Variants in ATP7B observed in about 807,000 individuals in gnomAD.
ATP7B encodes copper-transporting ATPase 2.
ATP7B carries 113 observed loss-of-function variants against 118.9 expected under a neutral mutation model. That is an observed-to-expected ratio of 0.95 (90% confidence interval 0.82 to 1.11). The LOEUF (loss-of-function observed/expected upper bound fraction) is 1.11, where lower values mean the gene tolerates loss of function less well. Ranked by LOEUF, ATP7B falls within the 50% of genes most tolerant of loss-of-function variation. The probability of loss-of-function intolerance (pLI) is 0.00; values close to 1 mark genes in which losing one functional copy is unlikely to be tolerated. For missense variants in ATP7B, 1,867 were observed against 1,871.4 expected, an observed-to-expected ratio of 1.00 and a Z score of 0.04; for synonymous variants, 777 against 727.4, an observed-to-expected ratio of 1.07 and a Z score of -1.10.
In ATP7B at chr13:51,958,345, A is replaced by G. The variant is rs1958491337; in HGVS notation, c.2321T>C (p.Ile774Thr). The G allele has an allele frequency of 6.2e-7, 1 of 1,614,108 alleles. No individual in the cohort carries two copies. Among genetic ancestry groups the G allele is most frequent in the South Asian group, 1.1e-5 (1 of 91,082 alleles). Residue 774 changes from isoleucine (I) to threonine (T), a missense_variant, in exon 8 of 21, where the codon ATT becomes ACT. By Grantham distance (89) the Ile-to-Thr change is moderately conservative. Transcript: ENST00000242839. Reference protein sequence around the residue: ...FDTPPMLFVFIALGRWLEHLA... With the variant: ...FDTPPMLFVFTALGRWLEHLA... ...GTGTTCCAGCCACCGGCCCAGGGCA[A>G]TGAACACAAAGAGCATGGGGGGCGT...
At chr13:51,959,959 G>C in intron 7 of ATP7B, 189 bp downstream of exon 7, 4 of 751,622 alleles carry the variant, frequency 5.3e-6, no homozygotes, top group Non-Finnish European at 8.6e-6. Context: ...CACACTGGGG[G>C]GGCCCCAAGC....
At chr13:51,951,145 C>T (rs1214336277) in intron 9 of ATP7B, among the ~76,000 whole-genome samples, 1 of 151,660 alleles carries the variant, frequency 6.6e-6, no homozygotes, top group Non-Finnish European at 1.5e-5. Context: ...GTTGCAGCAG[C>T]CCAAGCGGAA....
chr13:51,968,489 T>C lies in ATP7B; in HGVS notation c.1662A>G (p.Ala554=), dbSNP rs772213495. The C allele has an allele frequency of 2.5e-6, 4 of 1,614,198 alleles. No individual in the cohort carries two copies. The highest frequency in any genetic ancestry group is 3.4e-6 in the Non-Finnish European group (4 of 1,180,034). The change falls in exon 4 of 21, where the codon GCA becomes GCG. Residue 554 remains alanine, a synonymous_variant. Transcript: ENST00000242839. The part of the protein sequence containing the change: ...QFIQDLGFEA[A]VMEDYAGSDG... ...CGGAGCCTGCGTAGTCCTCCATGACTGCTGCCTCAAAACCCAGGTCCTGGA... is the reference window on the plus strand; with the variant it reads ...CGGAGCCTGCGTAGTCCTCCATGACCGCTGCCTCAAAACCCAGGTCCTGGA...
At position 51,935,647 on chromosome 13, in the gene ATP7B, G is replaced by A. The variant is rs769949264; in HGVS notation, c.4070C>T (p.Ala1357Val). ...GIVLQPWMGS[A>V]AMAASSVSVV... is the part of the protein sequence containing the mutation. ...AGACACAGAGGAGGCTGCCATGGCC[G>A]CTGAGCCCATCCAGGGCTGCAGCAC... Residue 1357 changes from alanine (A) to valine (V), a missense_variant, in exon 20 of 21, where the codon GCG becomes GTG. Physicochemically the swap from Ala to Val is moderately conservative, Grantham distance 64. Transcript: ENST00000242839. 3.3e-5 allele frequency: 54 copies of A among 1,613,608 alleles called. No homozygotes were observed. Among genetic ancestry groups the A allele is most frequent in the Non-Finnish European group, 4.2e-5 (49 of 1,179,904 alleles).
chr13:51,969,978 G>T (rs1327468084), intron 3 of ATP7B, among the ~76,000 whole-genome samples: 8 of 152,166 alleles, frequency 5.3e-5, no homozygotes, highest in Admixed American at 4.6e-4. Flanking sequence ...AAATGGATCC[G>T]AATTTTATTG....
In ATP7B at chr13:51,934,389, A is replaced by T; in HGVS notation, c.*367T>A. The T allele has an allele frequency of 2.9e-6, 1 of 346,948 alleles. No individual in the cohort carries two copies. 21.5% of individuals were successfully genotyped at this position (346,948 alleles called of 1,614,324 possible). Reference sequence around the variant, plus strand: ...TGCAGTTCTCTGGAAAGGCCCAGTGAGGTTTTTTGGTCCTGATGAAACTGT... The same window carrying T: ...TGCAGTTCTCTGGAAAGGCCCAGTGTGGTTTTTTGGTCCTGATGAAACTGT... On this transcript the variant is annotated 3_prime_UTR_variant, in exon 21 of 21. Transcript: ENST00000242839.
chr13:51,941,179 C>A lies in ATP7B; in HGVS notation c.3458G>T (p.Trp1153Leu). 27 of 1,614,130 alleles carry A rather than the reference C, an allele frequency of 1.7e-5. No individual in the cohort carries two copies. The highest frequency in any genetic ancestry group is 2.3e-5 in the Non-Finnish European group (27 of 1,180,030). The change falls in exon 16 of 21, where the codon TGG becomes TTG. Residue 1153 changes from tryptophan (W) to leucine (L), a missense_variant. By Grantham distance (61) the Trp-to-Leu change is moderately conservative. Transcript: ENST00000242839. Reference protein sequence around the residue: ...TFSVLIGNREWLRRNGLTISS... With the variant: ...TFSVLIGNRELLRRNGLTISS... ...AATGGTTAAACCGTTGCGCCTCAGC[C>A]ACTCACGGTTTCCAATCAGCACAGA...
chr13:51,954,781 A>G (rs952706828), intron 9 of ATP7B, among the ~76,000 whole-genome samples: 5 of 152,178 alleles, frequency 3.3e-5, no homozygotes, highest in African/African-American at 1.2e-4. Context: ...TTTACCAGTC[A>G]ACCAAGAAAA....
intron 19 of ATP7B, among the ~76,000 whole-genome samples, chr13:51,936,460 C>T (rs1451405529): frequency 3.8e-5 from 1 of 26,592 alleles, no homozygotes; most frequent in Non-Finnish European, 8.0e-5. Flanking sequence ...GAGCAGGGGG[C>T]GGGGGAGAGA....
At chr13:51,944,891 T>C (rs192082948) in intron 13 of ATP7B, among the ~76,000 whole-genome samples, 1 of 152,296 alleles carries the variant, frequency 6.6e-6, no homozygotes, top group Admixed American at 6.5e-5. Flanking sequence ...TTCAGGTACC[T>C]GCACTTCCAT....
intron 19 of ATP7B, 34 bp downstream of exon 19, chr13:51,937,242 C>G: frequency 6.3e-7 from 1 of 1,593,272 alleles, no homozygotes; most frequent in Non-Finnish European, 8.6e-7. Flanking sequence ...CCTTTCTGGG[C>G]GCAGCTGGAG....
At chr13:51,991,209 G>A (rs971086718) in intron 1 of ATP7B, among the ~76,000 whole-genome samples, 13 of 152,144 alleles carry the variant, frequency 8.5e-5, no homozygotes, top group African/African-American at 3.1e-4. Context: ...TCAGTTCAAT[G>A]TGTCTAACAT....
intron 1 of ATP7B, among the ~76,000 whole-genome samples, chr13:51,983,478 G>T (rs998660197): frequency 6.6e-6 from 1 of 152,158 alleles, no homozygotes; most frequent in African/African-American, 2.4e-5. Context: ...GGTGGCTGTG[G>T]GTGCAGCTTC....
intron 1 of ATP7B, among the ~76,000 whole-genome samples, chr13:52,003,386 G>A (rs993799815): frequency 6.6e-6 from 1 of 152,146 alleles, no homozygotes; most frequent in Non-Finnish European, 1.5e-5. Flanking sequence ...TGGAGTCAGT[G>A]GAGCAGTCAG....
In ATP7B at chr13:51,934,755, A is replaced by T. The variant is rs757263140; in HGVS notation, c.*1T>A. The T allele has an allele frequency of 6.2e-7, 1 of 1,613,532 alleles. No homozygotes were observed. The highest frequency in any genetic ancestry group is 1.7e-5 in the Admixed American group (1 of 60,034). Reference sequence around the variant, plus strand: ...TGCCCCGGCCCGCCTGCCTGAAGTCATCAGATGTACTGCTCCTCATCCCTG... The same window carrying T: ...TGCCCCGGCCCGCCTGCCTGAAGTCTTCAGATGTACTGCTCCTCATCCCTG... On this transcript the variant is annotated 3_prime_UTR_variant, in exon 21 of 21. Transcript: ENST00000242839.
Position 51,974,250 on chromosome 13 carries a change from T to C in ATP7B, c.970A>G (p.Lys324Glu). Residue 324 changes from lysine (K) to glutamate (E), a missense_variant, in exon 2 of 21, where the codon AAA (lysine) becomes GAA (glutamate). Transcript: ENST00000242839. ...AIEALPPGNF[K>E]VSLPDGAEGS... is the part of the protein sequence containing the mutation. ...TCGGCTCCATCAGGAAGAGAAACTTTAAAATTCCCAGGTGGAAGTGCCTCG... is the reference window on the plus strand; with the variant it reads ...TCGGCTCCATCAGGAAGAGAAACTTCAAAATTCCCAGGTGGAAGTGCCTCG... 1 of 1,614,054 alleles carries C rather than the reference T, an allele frequency of 6.2e-7. No homozygotes were observed. Among genetic ancestry groups the C allele is most frequent in the Non-Finnish European group, 8.5e-7 (1 of 1,179,990 alleles).
intron 1 of ATP7B, among the ~76,000 whole-genome samples, chr13:52,010,584 G>A (rs1267011431): frequency 1.3e-5 from 2 of 151,938 alleles, no homozygotes; most frequent in Non-Finnish European, 2.9e-5. Context: ...TGAAAAAAGA[G>A]AATGCACATA....
intron 1 of ATP7B, chr13:51,978,678 T>C (rs1235160113): frequency 2.0e-5 from 3 of 152,244 alleles, no homozygotes; most frequent in African/African-American, 7.2e-5. Flanking sequence ...GATGTGACTC[T>C]GTATGTAATG....
At chr13:51,944,075 C>A in intron 14 of ATP7B, 34 bp downstream of exon 14, 2 of 1,612,422 alleles carry the variant, frequency 1.2e-6, no homozygotes, top group Non-Finnish European at 1.7e-6. Flanking sequence ...AGAGCATTGG[C>A]GGGGAGGGCA....
Sources: allele counts gnomAD v4.1 joint callset (sites outside exome capture counted in the v4.1 genomes callset), GRCh38; gene constraint gnomAD v4.1.1; transcripts MANE v1.5; gene names NCBI Gene and HGNC (gene_info 2026-07-23, HGNC 2026-07-21).